Variants in SLC24A2 observed in about 807,000 individuals in gnomAD.
The protein encoded by SLC24A2 is solute carrier family 24 member 2, also known as sodium/potassium/calcium exchanger 2.
Under a neutral mutation model 62.0 loss-of-function variants are expected in SLC24A2, and 36 were observed. The observed-to-expected ratio is 0.58, with a 90% CI of 0.44 to 0.77. The LOEUF (loss-of-function observed/expected upper bound fraction) is 0.77. SLC24A2 is among the 30% of genes least tolerant of loss of function. The probability of loss-of-function intolerance (pLI) is 0.00; values close to 1 mark genes in which losing one functional copy is unlikely to be tolerated. For missense variants in SLC24A2, 846 were observed against 817.9 expected (o/e 1.03, Z -0.42); for synonymous variants, 358 against 294.0 (o/e 1.22, Z -2.23).
chr9:19,964,191 G>A, the SLC24A2 span, among the ~76,000 whole-genome samples: 2 of 139,216 alleles, frequency 1.4e-5, no homozygotes, highest in South Asian at 4.8e-4. Context: ...GACACAGGAA[G>A]GGGAACATCA....
chr9:19,873,750 C>T, the SLC24A2 span, among the ~76,000 whole-genome samples: 1 of 151,964 alleles, frequency 6.6e-6, no homozygotes, highest in Non-Finnish European at 1.5e-5. Flanking sequence ...TGGAGCCTAC[C>T]CATAGTAATG....
At chr9:19,904,597 G>T in the SLC24A2 span, among the ~76,000 whole-genome samples, 3 of 152,140 alleles carry the variant, frequency 2.0e-5, no homozygotes, top group Non-Finnish European at 4.4e-5. Context: ...GTTGCATTTG[G>T]GGGGAAAATA....
chr9:19,580,415 C>T (rs1327775154), intron 5 of SLC24A2, among the ~76,000 whole-genome samples: 1 of 152,212 alleles, frequency 6.6e-6, no homozygotes, highest in East Asian at 1.9e-4. Flanking sequence ...TCGCTGATTC[C>T]AGCCCACTGG....
At chr9:20,303,681 T>C in the SLC24A2 span, among the ~76,000 whole-genome samples, 1 of 152,104 alleles carries the variant, frequency 6.6e-6, no homozygotes, top group African/African-American at 2.4e-5. Context: ...CCTTCAAGAG[T>C]AGAAGTCTTT....
chr9:19,909,245 C>T, the SLC24A2 span, among the ~76,000 whole-genome samples: 8 of 152,006 alleles, frequency 5.3e-5, no homozygotes, highest in East Asian at 3.9e-4. Flanking sequence ...AAAAACCAAA[C>T]GCCGCATGTT....
chr9:20,212,876 C>G, the SLC24A2 span, among the ~76,000 whole-genome samples: 1 of 151,556 alleles, frequency 6.6e-6, no homozygotes, highest in Middle Eastern at 3.2e-3. Flanking sequence ...ATCTCATTGA[C>G]CACACCGTTT....
At chr9:19,773,519 A>G (rs1374015448) in intron 2 of SLC24A2, among the ~76,000 whole-genome samples, 1 of 152,162 alleles carries the variant, frequency 6.6e-6, no homozygotes, top group African/African-American at 2.4e-5. Context: ...GAAATTAGTC[A>G]TTTGCTGCTT....
chr9:19,606,154 G>A (rs142707719), intron 4 of SLC24A2, among the ~76,000 whole-genome samples: 11 of 152,252 alleles, frequency 7.2e-5, no homozygotes, highest in African/African-American at 1.7e-4. Context: ...ACCTATTCCA[G>A]ATAGGAAACC....
the SLC24A2 span, among the ~76,000 whole-genome samples, chr9:20,085,315 A>G: frequency 6.6e-6 from 1 of 152,196 alleles, no homozygotes; most frequent in Admixed American, 6.5e-5. Flanking sequence ...TCTGTTTTGA[A>G]TTATTTTAGC....
At chr9:19,853,334 C>A in the SLC24A2 span, among the ~76,000 whole-genome samples, 1 of 152,078 alleles carries the variant, frequency 6.6e-6, no homozygotes, top group Non-Finnish European at 1.5e-5. Context: ...GCCAGAACTT[C>A]CAATACTATG....
At chr9:19,725,721 T>G (rs984793814) in intron 2 of SLC24A2, among the ~76,000 whole-genome samples, 1 of 152,056 alleles carries the variant, frequency 6.6e-6, no homozygotes, top group Non-Finnish European at 1.5e-5. Context: ...TTTTCATGAG[T>G]GAGAATTTGG....
the SLC24A2 span, among the ~76,000 whole-genome samples, chr9:19,831,668 T>C: frequency 4.6e-5 from 7 of 152,164 alleles, no homozygotes; most frequent in Admixed American, 4.6e-4. Flanking sequence ...GTCTTTAAAA[T>C]TATTCAGTGA....
intron 2 of SLC24A2, among the ~76,000 whole-genome samples, chr9:19,690,912 T>TGAGAGA (rs1437424458): frequency 2.3e-5 from 3 of 132,164 alleles, no homozygotes; most frequent in East Asian, 6.8e-4. Context: ...ATTGTGTGTG[T>TGAGAGA]GCGTGTGAGA....
chr9:20,246,101 C>T, the SLC24A2 span, among the ~76,000 whole-genome samples: 1 of 152,126 alleles, frequency 6.6e-6, no homozygotes, highest in Non-Finnish European at 1.5e-5. Flanking sequence ...CAGGTTGCTG[C>T]AGGATATCAA....
the SLC24A2 span, among the ~76,000 whole-genome samples, chr9:20,093,074 GT>G: frequency 6.6e-6 from 1 of 150,980 alleles, no homozygotes; most frequent in African/African-American, 2.4e-5. Context: ...TTTTTGTTCT[GT>G]TTTTTGTTTT....
At chr9:20,283,933 C>G in the SLC24A2 span, among the ~76,000 whole-genome samples, 1 of 152,082 alleles carries the variant, frequency 6.6e-6, no homozygotes, top group Non-Finnish European at 1.5e-5. Flanking sequence ...GGCATGTGTT[C>G]CCGGAATGTC....
intron 2 of SLC24A2, among the ~76,000 whole-genome samples, chr9:19,688,644 C>T (rs879902720): frequency 3.3e-5 from 5 of 151,998 alleles, no homozygotes; most frequent in South Asian, 2.1e-4. Flanking sequence ...ATTTTAAGGA[C>T]GCAAAGCAGA....
the SLC24A2 span, among the ~76,000 whole-genome samples, chr9:19,966,226 TTAAGGGTTTTG>T: frequency 2.0e-5 from 3 of 152,192 alleles, no homozygotes; most frequent in Non-Finnish European, 4.4e-5. Context: ...TTTTGTGTAT[TTAAGGGTTTTG>T]GATTGTGTCT....
intron 8 of SLC24A2, among the ~76,000 whole-genome samples, chr9:19,541,403 G>T (rs1385631622): frequency 6.6e-6 from 1 of 151,954 alleles, no homozygotes; most frequent in Non-Finnish European, 1.5e-5. Context: ...GTCCTTTCTG[G>T]TCGTTAGTTT....
Sources: allele counts gnomAD v4.1 joint callset (sites outside exome capture counted in the v4.1 genomes callset), GRCh38; gene constraint gnomAD v4.1.1; transcripts MANE v1.5; gene names NCBI Gene and HGNC (gene_info 2026-07-23, HGNC 2026-07-21).